XKR6: variants seen among roughly 807,000 people sequenced by gnomAD.
XKR6 encodes XK related 6, also known as XK-related protein 6.
In XKR6, 22 loss-of-function variants were observed where a neutral mutation model predicts 56.7. The ratio of observed to expected loss-of-function variants is 0.39; its 90% confidence interval spans 0.28 to 0.55. The LOEUF is 0.55. Among genes scored for constraint, XKR6 ranks in the 20% least tolerant of loss-of-function variants. XKR6 has a pLI of 0.66. For missense variants in XKR6, 852 were observed against 889.0 expected, an observed-to-expected ratio of 0.96 and a Z score of 0.53; for synonymous variants, 524 against 387.8, an observed-to-expected ratio of 1.35 and a Z score of -4.13.
At chr8:11,115,743 G>A (rs974537175) in intron 1 of XKR6, among the ~76,000 whole-genome samples, 3 of 152,186 alleles carry the variant, frequency 2.0e-5, no homozygotes, top group African/African-American at 7.2e-5. Flanking sequence ...GCTTGTGGGA[G>A]TTATTTGTGT....
At chr8:10,957,854 A>T (rs1801941598) in intron 1 of XKR6, among the ~76,000 whole-genome samples, 1 of 152,216 alleles carries the variant, frequency 6.6e-6, no homozygotes. Context: ...AAACCAAGTT[A>T]GGATCCAACA....
At chr8:11,121,500 T>A (rs1445502431) in intron 1 of XKR6, among the ~76,000 whole-genome samples, 3 of 152,150 alleles carry the variant, frequency 2.0e-5, no homozygotes, top group African/African-American at 4.8e-5. Flanking sequence ...ATCTCACACC[T>A]GTTAGAATGG....
chr8:11,007,630 T>A (rs7821792), intron 1 of XKR6, among the ~76,000 whole-genome samples: 15,270 of 151,758 alleles, frequency 0.1, 2,266 homozygotes, highest in African/African-American at 0.33. Flanking sequence ...CTCTTCCCTC[T>A]CAAAACAAAG....
At chr8:11,082,968 G>A (rs1797774758) in intron 1 of XKR6, among the ~76,000 whole-genome samples, 1 of 152,194 alleles carries the variant, frequency 6.6e-6, no homozygotes, top group African/African-American at 2.4e-5. Flanking sequence ...GCCCTAGGCA[G>A]GGCTTCCTCC....
chr8:11,089,934 A>C (rs943092812), intron 1 of XKR6, among the ~76,000 whole-genome samples: 1 of 152,154 alleles, frequency 6.6e-6, no homozygotes, highest in Non-Finnish European at 1.5e-5. Flanking sequence ...TTGTTTTAAA[A>C]TTTTATGGAA....
intron 1 of XKR6, among the ~76,000 whole-genome samples, chr8:11,100,101 G>C (rs1798415438): frequency 6.6e-6 from 1 of 152,076 alleles, no homozygotes; most frequent in Non-Finnish European, 1.5e-5. Context: ...GCCCAGGGTG[G>C]AGTGCAGTAG....
chr8:11,082,705 T>C (rs904328789), intron 1 of XKR6, among the ~76,000 whole-genome samples: 1 of 152,222 alleles, frequency 6.6e-6, no homozygotes, highest in Non-Finnish European at 1.5e-5. Context: ...ACCCTGGCTT[T>C]CCTCAGTTCC....
intron 1 of XKR6, among the ~76,000 whole-genome samples, chr8:10,979,762 G>A (rs1389287196): frequency 6.6e-6 from 1 of 152,206 alleles, no homozygotes; most frequent in African/African-American, 2.4e-5. Flanking sequence ...CCCTCCGTAG[G>A]GGTTTTCTCT....
At chr8:11,110,349 A>G (rs1300681819) in intron 1 of XKR6, among the ~76,000 whole-genome samples, 1 of 152,200 alleles carries the variant, frequency 6.6e-6, no homozygotes, top group African/African-American at 2.4e-5. Flanking sequence ...AAACAAGCAA[A>G]GCAAAAAGGA....
intron 1 of XKR6, among the ~76,000 whole-genome samples, chr8:11,121,278 A>G (rs897008580): frequency 3.0e-4 from 45 of 152,328 alleles, no homozygotes; most frequent in African/African-American, 8.9e-4. Flanking sequence ...AAATTTTTGC[A>G]ACCTCCTCAT....
At chr8:11,032,903 G>A (rs1799026198) in intron 1 of XKR6, among the ~76,000 whole-genome samples, 1 of 152,196 alleles carries the variant, frequency 6.6e-6, no homozygotes, top group South Asian at 2.1e-4. Flanking sequence ...TGGAGATGGT[G>A]ATAGTGATTG....
At chr8:11,018,237 T>A (rs1018573793) in intron 1 of XKR6, among the ~76,000 whole-genome samples, 29 of 134,448 alleles carry the variant, frequency 2.2e-4, no homozygotes, top group Admixed American at 2.1e-3. Context: ...TGCCATCAGC[T>A]AAGACTGTAA....
At chr8:11,141,883 G>A (rs962213918) in intron 1 of XKR6, among the ~76,000 whole-genome samples, 1 of 152,236 alleles carries the variant, frequency 6.6e-6, no homozygotes, top group South Asian at 2.1e-4. Context: ...AGTGACTGGG[G>A]AGGGGTCTAG....
intron 1 of XKR6, among the ~76,000 whole-genome samples, chr8:11,088,782 T>C (rs1050258197): frequency 5.9e-5 from 9 of 152,224 alleles, no homozygotes; most frequent in African/African-American, 1.9e-4. Flanking sequence ...GGCATTAAAA[T>C]AGAATAGAAT....
chr8:10,977,592 G>C (rs189301074), intron 1 of XKR6, among the ~76,000 whole-genome samples: 113 of 150,022 alleles, frequency 7.5e-4, no homozygotes, highest in African/African-American at 2.3e-3. Context: ...GGACAGCTGA[G>C]GCTGGGCACC....
intron 1 of XKR6, among the ~76,000 whole-genome samples, chr8:10,955,932 T>A (rs532796116): frequency 2.0e-4 from 31 of 152,346 alleles, no homozygotes; most frequent in Admixed American, 5.9e-4. Flanking sequence ...GATTCCTTGT[T>A]GCCCTGGGCT....
chr8:10,973,211 AT>A (rs1456413214), intron 1 of XKR6, among the ~76,000 whole-genome samples: 2 of 152,212 alleles, frequency 1.3e-5, no homozygotes, highest in Non-Finnish European at 2.9e-5. Context: ...TGAGCTGAGA[AT>A]TTAAAATAAC....
intron 1 of XKR6, among the ~76,000 whole-genome samples, chr8:10,981,785 C>T (rs1797740755): frequency 6.6e-6 from 1 of 152,184 alleles, no homozygotes; most frequent in Admixed American, 6.5e-5. Flanking sequence ...CAGTCTTTTG[C>T]CAATTATTCC....
chr8:10,932,575 C>T (rs1801087616), intron 1 of XKR6, among the ~76,000 whole-genome samples: 1 of 112,538 alleles, frequency 8.9e-6, no homozygotes, highest in Non-Finnish European at 1.8e-5. Flanking sequence ...TCCCTCCCCC[C>T]TCCCCCCACC....
Sources: gnomAD v4.1 joint callset for allele counts (sites outside exome capture counted in the v4.1 genomes callset) on GRCh38, gnomAD v4.1.1 for gene constraint, MANE v1.5 for transcripts, NCBI Gene and HGNC (gene_info 2026-07-23, HGNC 2026-07-21) for gene names.